Variants in RGS17 observed in about 807,000 individuals in gnomAD.
RGS17 encodes regulator of G-protein signaling 17.
Under a neutral mutation model 25.5 loss-of-function variants are expected in RGS17, and 12 were observed. The ratio of observed to expected loss-of-function variants is 0.47; its 90% confidence interval spans 0.30 to 0.76. RGS17 has a LOEUF of 0.76. Among genes scored for constraint, RGS17 ranks in the 30% least tolerant of loss-of-function variants. RGS17 has a pLI of 0.07. For synonymous variants in RGS17, 71 were observed against 76.9 expected (o/e 0.92, Z 0.40); for missense variants, 196 against 242.2 (o/e 0.81, Z 1.27).
intron 1 of RGS17, among the ~76,000 whole-genome samples, chr6:153,119,443 C>G (rs539527117): frequency 6.6e-6 from 1 of 152,200 alleles, no homozygotes; most frequent in Admixed American, 6.5e-5. Flanking sequence ...GTAATCCCAG[C>G]ACTTTGGGAG....
intron 1 of RGS17, among the ~76,000 whole-genome samples, chr6:153,086,351 G>C (rs1777053284): frequency 6.6e-6 from 1 of 152,048 alleles, no homozygotes; most frequent in Non-Finnish European, 1.5e-5. Context: ...TATCACCAGG[G>C]TAAAACAAAA....
chr6:153,022,584 A>G (rs1375793683), intron 4 of RGS17, among the ~76,000 whole-genome samples: 1 of 152,182 alleles, frequency 6.6e-6, no homozygotes, highest in Non-Finnish European at 1.5e-5. Context: ...CATCTTACAT[A>G]CTTTGGGGGC....
intron 4 of RGS17, among the ~76,000 whole-genome samples, chr6:153,016,600 G>A (rs1209018795): frequency 6.6e-6 from 1 of 152,024 alleles, no homozygotes; most frequent in Non-Finnish European, 1.5e-5. Context: ...TTTTTTGCAA[G>A]CTAAAAACAG....
At chr6:153,018,111 T>C (rs1779203561) in intron 4 of RGS17, among the ~76,000 whole-genome samples, 1 of 152,196 alleles carries the variant, frequency 6.6e-6, no homozygotes, top group Non-Finnish European at 1.5e-5. Flanking sequence ...TAAACTGTAA[T>C]GTAATACTCT....
At position 153,010,065 on chromosome 6, in the gene RGS17, C is replaced by T. The variant is rs1363711626; in HGVS notation, c.*1509G>A. 3 of 151,290 alleles carry T rather than the reference C, an allele frequency of 2.0e-5. No individual in the cohort carries two copies. Among genetic ancestry groups the T allele is most frequent in the Non-Finnish European group, 4.4e-5 (3 of 67,552 alleles). The allele number at this position is 151,290 out of a possible 1,614,324, so 9.4% of individuals were successfully genotyped here. ...TAGTTAAAAAAATGACAAAGAAAAC[C>T]TGTAACTGTAATATCATCCTTAATA... On this transcript the variant is annotated 3_prime_UTR_variant, in exon 5 of 5. Transcript: ENST00000206262.
chr6:153,077,251 T>C (rs1316456676), intron 1 of RGS17, among the ~76,000 whole-genome samples: 1 of 152,172 alleles, frequency 6.6e-6, no homozygotes, highest in African/African-American at 2.4e-5. Context: ...ATTTCTAAAA[T>C]ACAGTTCTCT....
chr6:153,023,415 A>C (rs1417942482), intron 4 of RGS17: 2 of 502,032 alleles, frequency 4.0e-6, no homozygotes, highest in African/African-American at 3.9e-5. Context: ...AGTGCTTTGA[A>C]GCCCTCTGGA....
intron 1 of RGS17, among the ~76,000 whole-genome samples, chr6:153,087,763 T>A (rs1413343820): frequency 6.6e-6 from 1 of 152,188 alleles, no homozygotes; most frequent in Non-Finnish European, 1.5e-5. Context: ...GAGCTCTAAT[T>A]AAGAAACTAC....
Position 153,057,181 on chromosome 6 carries a change from ATATATAT to A in RGS17, c.-25-13145_-25-13139del, listed in dbSNP as rs1431642483. On this transcript the variant is annotated intron_variant, in intron 1 of 4. Coordinates refer to ENST00000206262, the MANE Select transcript of RGS17 (RefSeq NM_012419.5). Reference sequence around the variant, plus strand: ...ATCCACATAACATCTGGGTATTTTGATATATATTATATATAAATATAAAAATAAAAGC... The same window carrying A: ...ATCCACATAACATCTGGGTATTTTGATATATATAAATATAAAAATAAAAGC... Among the ~76,000 whole-genome samples, 13 of 151,268 alleles carry A rather than the reference ATATATAT, an allele frequency of 8.6e-5. No homozygotes were observed. In the South Asian group the frequency reaches 2.7e-3, roughly 31 times the overall value.
At chr6:153,091,880 G>T (rs575552247) in intron 1 of RGS17, among the ~76,000 whole-genome samples, 2 of 152,196 alleles carry the variant, frequency 1.3e-5, no homozygotes, top group Admixed American at 1.3e-4. Flanking sequence ...ATCATATTCT[G>T]TAAATCTGGG....
At chr6:153,034,310 G>T (rs543141120) in intron 2 of RGS17, among the ~76,000 whole-genome samples, 1 of 152,276 alleles carries the variant, frequency 6.6e-6, no homozygotes, top group African/African-American at 2.4e-5. Context: ...CAGCTGTGCA[G>T]TGCATGCTCC....
At chr6:153,076,597 A>G (rs1776884205) in intron 1 of RGS17, among the ~76,000 whole-genome samples, 1 of 152,192 alleles carries the variant, frequency 6.6e-6, no homozygotes, top group South Asian at 2.1e-4. Context: ...TCCTAAGGTG[A>G]GCCAAGGGCA....
chr6:153,097,066 T>A lies in RGS17; in HGVS notation c.-26+34058A>T, dbSNP rs1002612989. Among the ~76,000 whole-genome samples the A allele has an allele frequency of 9.2e-5, 14 of 152,294 alleles. No individual in the cohort carries two copies. In the East Asian group the frequency reaches 1.9e-3, roughly 21 times the overall value. ...CTTAACAGGCACTTTGATTTATTTG[T>A]TCCTTAATCATGGAAAAAGTAAACT... On this transcript the variant is annotated intron_variant, in intron 1 of 4. Transcript: ENST00000206262.
intron 4 of RGS17, among the ~76,000 whole-genome samples, chr6:153,018,324 A>G (rs928513728): frequency 6.6e-6 from 1 of 152,262 alleles, no homozygotes; most frequent in Non-Finnish European, 1.5e-5. Flanking sequence ...ATTTGGAATC[A>G]GAAGATCTTG....
intron 4 of RGS17, among the ~76,000 whole-genome samples, chr6:153,016,374 CCT>C (rs1779183955): frequency 6.6e-6 from 1 of 152,134 alleles, no homozygotes; most frequent in South Asian, 2.1e-4. Context: ...CAAACACACT[CCT>C]CTGTTTTCTT....
chr6:153,067,798 A>G, intron 1 of RGS17, among the ~76,000 whole-genome samples: 1 of 152,222 alleles, frequency 6.6e-6, no homozygotes. Flanking sequence ...TCAGAGAAAT[A>G]GTAAAAGCTA....
chr6:153,039,109 G>C (rs1776289230), intron 2 of RGS17, among the ~76,000 whole-genome samples: 2 of 152,158 alleles, frequency 1.3e-5, no homozygotes, highest in Non-Finnish European at 2.9e-5. Flanking sequence ...AACTGAGAAA[G>C]TTGTGTTTGG....
At chr6:153,067,915 G>A (rs952717466) in intron 1 of RGS17, among the ~76,000 whole-genome samples, 2 of 152,068 alleles carry the variant, frequency 1.3e-5, no homozygotes, top group Non-Finnish European at 2.9e-5. Context: ...TTATTCTACA[G>A]AGCTATAGTA....
intron 1 of RGS17, among the ~76,000 whole-genome samples, chr6:153,072,495 GA>G (rs1482952881): frequency 6.6e-6 from 1 of 152,184 alleles, no homozygotes; most frequent in Non-Finnish European, 1.5e-5. Flanking sequence ...TATAAATAAG[GA>G]AACTGAAATC....
Sources: allele counts gnomAD v4.1 joint callset (sites outside exome capture counted in the v4.1 genomes callset), GRCh38; gene constraint gnomAD v4.1.1; transcripts MANE v1.5; gene names NCBI Gene and HGNC (gene_info 2026-07-23, HGNC 2026-07-21).